Variants in SCP2 observed in about 807,000 individuals in gnomAD.
SCP2 encodes the protein sterol carrier protein 2.
A neutral mutation model predicts 71.4 loss-of-function variants in SCP2; 48 were observed. That is an observed-to-expected ratio of 0.67 (90% CI 0.53 to 0.86). The LOEUF (loss-of-function observed/expected upper bound fraction) is 0.86, where lower values mean the gene tolerates loss of function less well. Among genes scored for constraint, SCP2 ranks in the 40% least tolerant of loss-of-function variants. The pLI is 0.00. For synonymous variants in SCP2, 220 were observed against 218.1 expected, an observed-to-expected ratio of 1.01 and a Z score of -0.08; for missense variants, 560 against 655.6, an observed-to-expected ratio of 0.85 and a Z score of 1.59.
intron 13 of SCP2, among the ~76,000 whole-genome samples, chr1:53,029,022 C>T (rs1225243086): frequency 1.3e-5 from 2 of 152,074 alleles, no homozygotes; most frequent in African/African-American, 2.4e-5. Context: ...GTGATCCACC[C>T]GCCTTGGCCT....
At chr1:53,047,789 T>C in intron 14 of SCP2, 69 bp from the exon 15 acceptor site, 1 of 1,117,222 alleles carries the variant, frequency 9.0e-7, no homozygotes. Context: ...TCAGTGGCTC[T>C]TGACAAAAAT....
At chr1:53,033,998 T>C (rs190222659) in intron 13 of SCP2, among the ~76,000 whole-genome samples, 1 of 152,272 alleles carries the variant, frequency 6.6e-6, no homozygotes, top group Admixed American at 6.5e-5. Context: ...GCATGGTGGC[T>C]CATGCCTGTA....
intron 11 of SCP2, among the ~76,000 whole-genome samples, chr1:52,997,585 A>G (rs1015541590): frequency 2.6e-5 from 4 of 152,228 alleles, no homozygotes; most frequent in African/African-American, 9.6e-5. Context: ...AGAATAGGCA[A>G]ATCCATAGAG....
At chr1:52,962,654 TC>T (rs1356257372) in intron 6 of SCP2, among the ~76,000 whole-genome samples, 2 of 152,096 alleles carry the variant, frequency 1.3e-5, no homozygotes, top group African/African-American at 4.8e-5. Context: ...ATCCTTTCTT[TC>T]TGTTCCTCAA....
intron 11 of SCP2, among the ~76,000 whole-genome samples, chr1:53,013,882 C>CT (rs71044449): frequency 0.06 from 3,781 of 63,066 alleles, 963 homozygotes; most frequent in Non-Finnish European, 0.082. Flanking sequence ...ATAGAACATT[C>CT]TTTTTTTTTT....
intron 4 of SCP2, among the ~76,000 whole-genome samples, chr1:52,951,550 G>A (rs1655308791): frequency 8.5e-6 from 1 of 117,210 alleles, no homozygotes; most frequent in African/African-American, 3.5e-5. Flanking sequence ...CAGTGAGACT[G>A]TCTCTAAAAA....
At chr1:52,988,221 T>C (rs1256170500) in intron 11 of SCP2, 85 bp downstream of exon 11, 3 of 755,352 alleles carry the variant, frequency 4.0e-6, no homozygotes, top group Admixed American at 2.0e-5. Context: ...GAATGAAAGA[T>C]TATATTCTCT....
intron 11 of SCP2, among the ~76,000 whole-genome samples, chr1:53,002,178 C>A (rs1660358354): frequency 6.8e-6 from 1 of 147,228 alleles, no homozygotes; most frequent in South Asian, 2.1e-4. Context: ...CAGAGTGAGA[C>A]TCCGTCTCAA....
chr1:52,995,196 T>C, intron 11 of SCP2: 1 of 497,810 alleles, frequency 2.0e-6, no homozygotes, highest in East Asian at 5.1e-5. Context: ...AGTGCCCTGA[T>C]TGCATCATGA....
chr1:52,991,073 A>G (rs1314502261), intron 11 of SCP2, among the ~76,000 whole-genome samples: 4 of 152,188 alleles, frequency 2.6e-5, no homozygotes, highest in African/African-American at 9.7e-5. Flanking sequence ...TAAGGGATGT[A>G]CCTGAATTAT....
chr1:52,964,841 C>T (rs1375510648), intron 6 of SCP2, among the ~76,000 whole-genome samples: 1 of 151,958 alleles, frequency 6.6e-6, no homozygotes. Context: ...GGTGAAACCC[C>T]GTCTCTACTA....
chr1:52,982,222 T>A (rs1364711651), intron 10 of SCP2, among the ~76,000 whole-genome samples: 1 of 152,094 alleles, frequency 6.6e-6, no homozygotes, highest in East Asian at 1.9e-4. Flanking sequence ...CCCCCACAGT[T>A]GTAACAACCA....
chr1:53,004,054 C>A (rs1477580704), intron 11 of SCP2, among the ~76,000 whole-genome samples: 2 of 152,098 alleles, frequency 1.3e-5, no homozygotes, highest in Non-Finnish European at 2.9e-5. Context: ...ATCACAGTAC[C>A]CATCACAGTC....
chr1:52,961,652 T>C (rs183980610), intron 6 of SCP2, 23 bp downstream of exon 6: 8 of 1,605,972 alleles, frequency 5.0e-6, no homozygotes, highest in Non-Finnish European at 6.8e-6. Context: ...TAAAAAACTT[T>C]GAGGCTTCTT....
intron 11 of SCP2, among the ~76,000 whole-genome samples, chr1:53,001,009 G>A (rs557531194): frequency 6.6e-6 from 1 of 152,086 alleles, no homozygotes; most frequent in East Asian, 1.9e-4. Flanking sequence ...CTCTCTATAT[G>A]TATGTTCCTG....
At chr1:52,975,262 C>T (rs1183344830) in intron 7 of SCP2, among the ~76,000 whole-genome samples, 1 of 152,042 alleles carries the variant, frequency 6.6e-6, no homozygotes, top group African/African-American at 2.4e-5. Flanking sequence ...CTCACTGCAA[C>T]CTCTGTGCCC....
At chr1:52,983,604 T>C (rs1658716712) in intron 10 of SCP2, among the ~76,000 whole-genome samples, 1 of 152,236 alleles carries the variant, frequency 6.6e-6, no homozygotes, top group South Asian at 2.1e-4. Context: ...CATGAACCAT[T>C]CTAATGAGTT....
intron 5 of SCP2, among the ~76,000 whole-genome samples, chr1:52,959,985 G>A (rs1418492153): frequency 4.0e-5 from 6 of 151,262 alleles, no homozygotes; most frequent in South Asian, 2.1e-4. Flanking sequence ...TCTGCCTCCC[G>A]GGTTCAAGCA....
At chr1:52,935,766 C>G (rs12072322) in intron 1 of SCP2, among the ~76,000 whole-genome samples, 1 of 151,168 alleles carries the variant, frequency 6.6e-6, no homozygotes, top group African/African-American at 2.4e-5. Context: ...GGCAAGACCC[C>G]GTCTCTACAA....
Sources: gnomAD v4.1 joint callset for allele counts (sites outside exome capture counted in the v4.1 genomes callset) on GRCh38, gnomAD v4.1.1 for gene constraint, MANE v1.5 for transcripts, NCBI Gene and HGNC (gene_info 2026-07-23, HGNC 2026-07-21) for gene names.